VPS13C: variants seen among roughly 807,000 people sequenced by gnomAD.
VPS13C encodes the protein intermembrane lipid transfer protein VPS13C.
VPS13C carries 358 observed loss-of-function variants against 456.8 expected under a neutral mutation model. The observed-to-expected ratio is 0.78, with a 90% CI of 0.72 to 0.86. The LOEUF (loss-of-function observed/expected upper bound fraction) is 0.86. VPS13C is among the 40% of genes least tolerant of loss of function. The probability of loss-of-function intolerance (pLI) is 0.00; values close to 1 mark genes in which losing one functional copy is unlikely to be tolerated. For synonymous variants in VPS13C, 1,578 were observed against 1,486.7 expected (o/e 1.06, Z -1.41); for missense variants, 4,818 against 4,385.4 (o/e 1.10, Z -2.79).
chr15:61,867,703 C>A lies in VPS13C; in HGVS notation c.10863+956G>T. ...CAGAAGAGAGCTGATTCTCTGCATC[C>A]TTTAATATTTTATACTAATCTCTTA... On this transcript the variant is annotated intron_variant, in intron 81 of 84. Transcript: ENST00000644861. The surrounding 1 kb of genome is among the most constrained non-coding windows in gnomAD (Gnocchi z 5.0). The A allele has an allele frequency of 7.4e-7, 1 of 1,352,470 alleles. No homozygotes were observed. Among genetic ancestry groups the A allele is most frequent in the Non-Finnish European group, 9.5e-7 (1 of 1,052,528 alleles). The allele number at this position is 1,352,470 out of a possible 1,614,324, so 83.8% of individuals were successfully genotyped here.
Position 61,946,383 on chromosome 15 carries a change from G to C in VPS13C, c.4904C>G (p.Pro1635Arg). 1 of 1,606,750 alleles carries C rather than the reference G, an allele frequency of 6.2e-7. No homozygotes were observed. ...TCTGGCAAACACATCAGTCTGCTTAGGCTTCACAGAAATAGAGGCATCCAT... is the reference window on the plus strand; with the variant it reads ...TCTGGCAAACACATCAGTCTGCTTACGCTTCACAGAAATAGAGGCATCCAT... ...HGMDASISVK[P>R]KQTDVFARLK... Residue 1635 changes from proline to arginine, a missense_variant, in exon 44 of 85, where the codon CCT (proline) becomes CGT (arginine). This residue lies in a region of VPS13C where 4,552 missense variants were observed against 4,130.6 expected (regional missense o/e 1.10). Transcript: ENST00000644861.
At chr15:61,863,550 A>C (rs767413332) in intron 81 of VPS13C, 22 bp from the exon 82 acceptor site, 48 of 1,565,038 alleles carry the variant, frequency 3.1e-5, no homozygotes, top group Non-Finnish European at 4.0e-5. Context: ...ACCAGGCTCT[A>C]GATTTGGGAA....
chr15:62,042,984 G>C (rs1057434840), intron 2 of VPS13C, among the ~76,000 whole-genome samples: 15 of 150,944 alleles, frequency 9.9e-5, no homozygotes, highest in Non-Finnish European at 1.8e-4. Context: ...ACTTGAATTA[G>C]GCTGAAACAG....
intron 15 of VPS13C, among the ~76,000 whole-genome samples, chr15:62,006,755 C>G (rs1394545315): frequency 6.6e-6 from 1 of 152,158 alleles, no homozygotes; most frequent in Non-Finnish European, 1.5e-5. Context: ...TCCACATCCT[C>G]TCCAGCACCT....
At chr15:62,059,823 G>C (rs982821647) in intron 1 of VPS13C, among the ~76,000 whole-genome samples, 13 of 152,214 alleles carry the variant, frequency 8.5e-5, no homozygotes, top group African/African-American at 2.4e-4. Context: ...TAAAATGATA[G>C]TGAAGATAAC....
At chr15:61,917,056 C>T (rs925139798) in intron 60 of VPS13C, among the ~76,000 whole-genome samples, 5 of 152,086 alleles carry the variant, frequency 3.3e-5, no homozygotes, top group African/African-American at 7.2e-5. Flanking sequence ...AGTCACTTAA[C>T]CCATTTTCAA....
intron 27 of VPS13C, among the ~76,000 whole-genome samples, chr15:61,971,557 G>A (rs1047584821): frequency 4.6e-5 from 7 of 152,112 alleles, no homozygotes; most frequent in African/African-American, 7.2e-5. Context: ...CACCATGCCC[G>A]GCCTGACATT....
At chr15:61,877,404 T>C (rs1177535405) in intron 74 of VPS13C, among the ~76,000 whole-genome samples, 1 of 151,826 alleles carries the variant, frequency 6.6e-6, no homozygotes, top group East Asian at 1.9e-4. Context: ...CACTCAACAC[T>C]GTGGAAAAGT....
At chr15:61,918,397 T>G (rs2043542196) in intron 58 of VPS13C, 140 bp from the exon 59 acceptor site, 5 of 753,436 alleles carry the variant, frequency 6.6e-6, no homozygotes, top group Non-Finnish European at 9.9e-6. Flanking sequence ...AATTGAAAAA[T>G]TTTAGGGTAT....
chr15:61,947,136 A>AT, intron 43 of VPS13C, 57 bp downstream of exon 43: 1 of 1,186,490 alleles, frequency 8.4e-7, no homozygotes, highest in Non-Finnish European at 1.2e-6. Flanking sequence ...GTACAAGCTC[A>AT]TTTTTCCTAG....
At chr15:61,888,477 C>G (rs921651701) in intron 67 of VPS13C, among the ~76,000 whole-genome samples, 2 of 152,042 alleles carry the variant, frequency 1.3e-5, no homozygotes, top group Admixed American at 1.3e-4. Context: ...GATAAACAAA[C>G]TGGAGTAATA....
Position 61,951,862 on chromosome 15 carries a change from T to C in VPS13C, c.4418A>G (p.Tyr1473Cys). ...GCACTGCATACTAATTTTTTTTAGA[T>C]AAGCTTTAGCAGTCATGTCATAGGT... ...VKTYDMTAKAYLKKISMQCFD... is the reference protein window; with the variant it reads ...VKTYDMTAKACLKKISMQCFD... The change falls in exon 39 of 85, where the codon TAT becomes TGT. Residue 1473 changes from tyrosine (Y) to cysteine (C), a missense_variant. Around this residue, in one of 3 missense-constraint regions of VPS13C, gnomAD observed 4,552 missense variants for 4,130.6 expected, o/e 1.10. Coordinates refer to ENST00000644861, the MANE Select transcript of VPS13C (RefSeq NM_020821.3). The C allele has an allele frequency of 3.1e-6, 5 of 1,612,700 alleles. No homozygotes were observed. Among genetic ancestry groups the C allele is most frequent in the Non-Finnish European group, 3.4e-6 (4 of 1,179,420 alleles).
At chr15:61,886,833 T>C (rs777170651) in intron 67 of VPS13C, among the ~76,000 whole-genome samples, 4 of 152,182 alleles carry the variant, frequency 2.6e-5, no homozygotes, top group Non-Finnish European at 5.9e-5. Context: ...ATGAAGGCAC[T>C]GAATAAAATA....
In VPS13C at chr15:61,868,747, G is replaced by A. The variant is rs981892182; in HGVS notation, c.10775C>T (p.Ser3592Phe). Reference sequence around the variant, plus strand: ...GATCAGGCGAGGGGGACGGAGGCTAGATACTTCCTCAGTTGATTCTGCTGC... The same window carrying A: ...GATCAGGCGAGGGGGACGGAGGCTAAATACTTCCTCAGTTGATTCTGCTGC... The part of the protein sequence containing the change: ...QRAAESTEEV[S>F]SLRPPRLIHE... Residue 3592 changes from serine (S) to phenylalanine (F), a missense_variant, in exon 81 of 85, where the codon TCT becomes TTT. Coordinates refer to ENST00000644861, the MANE Select transcript of VPS13C (RefSeq NM_020821.3). The A allele has an allele frequency of 1.2e-6, 2 of 1,614,086 alleles. No homozygotes were observed. Among genetic ancestry groups the A allele is most frequent in the Admixed American group, 1.7e-5 (1 of 59,994 alleles).
Position 61,920,607 on chromosome 15 carries a change from C to G in VPS13C, c.7103G>C (p.Gly2368Ala). ...NPVQDKSLLP[G>A]DDFIPEPQMA... ...TTGTGGCTCAGGAATAAAATCATCTCCTGGCAGCAAACTTTTATCCTGAAC... is the reference window on the plus strand; with the variant it reads ...TTGTGGCTCAGGAATAAAATCATCTGCTGGCAGCAAACTTTTATCCTGAAC... Residue 2368 changes from glycine (G) to alanine (A), a missense_variant, in exon 56 of 85, where the codon GGA (glycine) becomes GCA (alanine). By Grantham distance (60) the Gly-to-Ala change is moderately conservative. Transcript: ENST00000644861. 1 of 1,590,136 alleles carries G rather than the reference C, an allele frequency of 6.3e-7. No individual in the cohort carries two copies.
chr15:61,922,081 ACATAT>A (rs1386616369), intron 54 of VPS13C, 48 bp from the exon 55 acceptor site: 1 of 1,576,236 alleles, frequency 6.3e-7, no homozygotes, highest in Admixed American at 1.7e-5. Context: ...GGCTTTAATT[ACATAT>A]TTCTGTAACC....
chr15:62,018,380 T>C (rs2047336514), intron 9 of VPS13C, among the ~76,000 whole-genome samples: 1 of 151,894 alleles, frequency 6.6e-6, no homozygotes, highest in Admixed American at 6.6e-5. Flanking sequence ...TCAAAGGGAA[T>C]GCTTCCAGTT....
intron 67 of VPS13C, 83 bp downstream of exon 67, chr15:61,890,082 A>G (rs2042604191): frequency 1.6e-6 from 2 of 1,283,704 alleles, no homozygotes; most frequent in Admixed American, 4.2e-5. Flanking sequence ...CAAACCAGGT[A>G]TCTTTTTACT....
chr15:62,052,672 C>CAAAAAAAA (rs35444089), intron 1 of VPS13C, among the ~76,000 whole-genome samples: 3 of 70,542 alleles, frequency 4.3e-5, no homozygotes, highest in East Asian at 3.9e-4. Flanking sequence ...GACTCCGTCT[C>CAAAAAAAA]AAAAAAAAAA....
Sources: gnomAD v4.1 joint callset for allele counts (sites outside exome capture counted in the v4.1 genomes callset) on GRCh38, gnomAD v4.1.1 for gene constraint, gnomAD v4.1.1 regional missense constraint, Gnocchi (gnomAD v3.1) non-coding constraint, MANE v1.5 for transcripts, NCBI Gene and HGNC (gene_info 2026-07-23, HGNC 2026-07-21) for gene names.